The following SLC7A5 variants were observed in gnomAD, a reference collection of about 807,000 sequenced individuals.
SLC7A5 encodes the protein solute carrier family 7 member 5, also known as large neutral amino acids transporter small subunit 1.
In SLC7A5, 23 loss-of-function variants were observed where a neutral mutation model predicts 50.2. That is an observed-to-expected ratio of 0.46 (90% confidence interval 0.33 to 0.65). The LOEUF is 0.65. Ranked by LOEUF, SLC7A5 falls within the 30% of genes least tolerant of loss-of-function variation. The pLI, the probability that SLC7A5 is intolerant of heterozygous loss-of-function variation, is 0.02. For synonymous variants in SLC7A5, 393 were observed against 330.6 expected (o/e 1.19, Z -2.05); for missense variants, 578 against 684.4 (o/e 0.84, Z 1.73).
At chr16:87,857,000 C>T (rs1172190995) in intron 1 of SLC7A5, among the ~76,000 whole-genome samples, 1 of 127,790 alleles carries the variant, frequency 7.8e-6, no homozygotes. Flanking sequence ...ATGGACACGT[C>T]ACCGCCCCGG....
intron 2 of SLC7A5, among the ~76,000 whole-genome samples, chr16:87,843,146 G>C (rs1388907015): frequency 1.3e-5 from 2 of 152,088 alleles, no homozygotes; most frequent in African/African-American, 2.4e-5. Flanking sequence ...GACTCAGCCT[G>C]AGCTGATGGA....
At chr16:87,858,364 T>TG (rs1387234381) in intron 1 of SLC7A5, among the ~76,000 whole-genome samples, 2 of 152,098 alleles carry the variant, frequency 1.3e-5, no homozygotes, top group African/African-American at 4.8e-5. Context: ...TGGGCACCAG[T>TG]GATAAGGAGT....
intron 3 of SLC7A5, 76 bp downstream of exon 3, chr16:87,840,973 TG>T: frequency 1.0e-6 from 1 of 998,432 alleles, no homozygotes; most frequent in Non-Finnish European, 1.6e-6. Context: ...CCTTGATGGC[TG>T]GGAGATTTGG....
rs2055259081 is a variant in SLC7A5 at position 87,853,106 on chromosome 16, TTC to T, written c.539-1259_539-1258del. 6.9e-6 allele frequency among the ~76,000 whole-genome samples: 1 copy of T among 144,518 alleles called. No individual in the cohort carries two copies. The highest frequency in any genetic ancestry group is 2.9e-5 in the African/African-American group (1 of 34,438). 94.8% of individuals were successfully genotyped at this position (144,518 alleles called of 152,430 possible). A position where few individuals can be genotyped will look rare whatever the true frequency, so the allele number is the denominator to read the frequency against. ...GCATCAGAAAGGCCGTGGGCTCCTCTTCTCTCTTTCCCCTTGGGAGTAACGCT... is the reference window on the plus strand; with the variant it reads ...GCATCAGAAAGGCCGTGGGCTCCTCTTCTCTTTCCCCTTGGGAGTAACGCT... On this transcript the variant is annotated intron_variant, in intron 1 of 9. Transcript: ENST00000261622. This position sits in a 1 kb window ranked among gnomAD's most constrained non-coding sequence, Gnocchi z 4.4.
Position 87,837,881 on chromosome 16 carries a change from T to C in SLC7A5, c.1104A>G (p.Pro368=), listed in dbSNP as rs1164517938. ...GGGACGGCACGGGGGTGAGGAGCTG[T>C]GGGTGGATCATGGAGAGGATGGAGG... ...HLPSILSMIH[P]QLLTPVPSLV... is the part of the protein sequence containing the mutation. The change falls in exon 7 of 10, where the codon CCA becomes CCG. Residue 368 remains proline, a synonymous_variant. Transcript: ENST00000261622. 1.2e-6 allele frequency: 2 copies of C among 1,608,296 alleles called. No individual in the cohort carries two copies. Among genetic ancestry groups the C allele is most frequent in the Admixed American group, 3.4e-5 (2 of 59,230 alleles).
intron 1 of SLC7A5, among the ~76,000 whole-genome samples, chr16:87,866,321 A>G (rs1226087133): frequency 6.6e-6 from 1 of 152,140 alleles, no homozygotes; most frequent in Non-Finnish European, 1.5e-5. Context: ...TGTCAGCCGC[A>G]GAAACTCTGG....
chr16:87,847,831 C>G (rs2143768727), intron 2 of SLC7A5, among the ~76,000 whole-genome samples: 1 of 152,306 alleles, frequency 6.6e-6, no homozygotes, highest in East Asian at 1.9e-4. Context: ...CAAAGGAAAA[C>G]CATCATTTCA....
chr16:87,832,927 TG>T lies in SLC7A5; in HGVS notation c.*42del. Reference sequence around the variant, plus strand: ...GTTCGAGGAGGTGATCTACTTTAACTGGCCTCTGCGCATGCTCCTCCGGCAG... The same window carrying T: ...GTTCGAGGAGGTGATCTACTTTAACTGCCTCTGCGCATGCTCCTCCGGCAG... On this transcript the variant is annotated 3_prime_UTR_variant, in exon 10 of 10. Transcript: ENST00000261622. This position sits in a 1 kb window ranked among gnomAD's most constrained non-coding sequence, Gnocchi z 4.6. 1.3e-6 allele frequency: 2 copies of T among 1,542,076 alleles called. No homozygotes were observed. Among genetic ancestry groups the T allele is most frequent in the South Asian group, 1.1e-5 (1 of 89,610 alleles).
rs968030507 is a variant in SLC7A5, at chr16:87,840,344, C to CA, written c.815+84dup. 4 of 1,260,842 alleles carry CA rather than the reference C, an allele frequency of 3.2e-6. No individual in the cohort carries two copies. The Admixed American group carries it at 5.1e-5, about 16-fold the overall frequency. 78.1% of individuals were successfully genotyped at this position (1,260,842 alleles called of 1,614,324 possible). A position where few individuals can be genotyped will look rare whatever the true frequency, so the allele number is the denominator to read the frequency against. On this transcript the variant is annotated intron_variant, in intron 4 of 9. Transcript: ENST00000261622. ...CGACTGTGAACTGGCCTGAGCCGAC[C>CA]AACAGGCTTCGAGTGGAATGTGGCT...
intron 1 of SLC7A5, among the ~76,000 whole-genome samples, chr16:87,865,053 A>G (rs572984000): frequency 6.6e-5 from 10 of 152,280 alleles, no homozygotes; most frequent in African/African-American, 2.4e-4. Context: ...CACCAGAATG[A>G]TTGAACCCCA....
chr16:87,849,724 G>C (rs2055196511), intron 2 of SLC7A5, among the ~76,000 whole-genome samples: 1 of 152,104 alleles, frequency 6.6e-6, no homozygotes, highest in African/African-American at 2.4e-5. Flanking sequence ...CTTGAGTAAG[G>C]TGCCGGAACC....
At chr16:87,849,767 C>G (rs1459655937) in intron 2 of SLC7A5, among the ~76,000 whole-genome samples, 1 of 152,070 alleles carries the variant, frequency 6.6e-6, no homozygotes, top group Non-Finnish European at 1.5e-5. Context: ...ATTGGGACTT[C>G]CTGCCAGCCC....
intron 2 of SLC7A5, among the ~76,000 whole-genome samples, chr16:87,844,641 C>G (rs2055127008): frequency 6.6e-6 from 1 of 152,266 alleles, no homozygotes; most frequent in African/African-American, 2.4e-5. Context: ...AGAGAAGAGC[C>G]TGCCCAGCGT....
At chr16:87,847,415 G>T (rs567578395) in intron 2 of SLC7A5, among the ~76,000 whole-genome samples, 5 of 152,172 alleles carry the variant, frequency 3.3e-5, no homozygotes, top group African/African-American at 4.8e-5. Context: ...TGAGGGAGGC[G>T]GCACCTCTTC....
chr16:87,847,975 C>A (rs1347788391), intron 2 of SLC7A5, among the ~76,000 whole-genome samples: 3 of 151,994 alleles, frequency 2.0e-5, no homozygotes, highest in Non-Finnish European at 4.4e-5. Flanking sequence ...GGGTCTCGGC[C>A]ACCGGGACCC....
chr16:87,844,599 A>T (rs1339599431), intron 2 of SLC7A5, among the ~76,000 whole-genome samples: 2 of 152,172 alleles, frequency 1.3e-5, no homozygotes, highest in African/African-American at 4.8e-5. Flanking sequence ...GACTCAGAGG[A>T]CGATGTCTCC....
chr16:87,854,630 CAGCCACCCCCAGATAAGT>C (rs1479597908), intron 1 of SLC7A5, among the ~76,000 whole-genome samples: 1 of 152,256 alleles, frequency 6.6e-6, no homozygotes, highest in African/African-American at 2.4e-5. Context: ...CACACAGGGC[CAGCCACCCCCAGATAAGT>C]GTGGCCGCGC....
At chr16:87,867,032 G>T (rs1000968002) in intron 1 of SLC7A5, among the ~76,000 whole-genome samples, 5 of 151,524 alleles carry the variant, frequency 3.3e-5, no homozygotes, top group African/African-American at 1.2e-4. Context: ...CCCGGAGCAT[G>T]CCTCAGACTC....
At position 87,841,778 on chromosome 16, in the gene SLC7A5, C is replaced by T. The variant is rs2055086111; in HGVS notation, c.665-623G>A. On this transcript the variant is annotated intron_variant, in intron 2 of 9. Coordinates refer to ENST00000261622, the MANE Select transcript of SLC7A5 (RefSeq NM_003486.7). The surrounding 1 kb of genome is among the most constrained non-coding windows in gnomAD (Gnocchi z 4.8). ...CCCGTGCTGTGTGCAGAGCTCTCTCCTTTGCCCTCTGAGGACACGCGTCAC... is the reference window on the plus strand; with the variant it reads ...CCCGTGCTGTGTGCAGAGCTCTCTCTTTTGCCCTCTGAGGACACGCGTCAC... Among the ~76,000 whole-genome samples, 1 of 152,256 alleles carries T rather than the reference C, an allele frequency of 6.6e-6. No individual in the cohort carries two copies. Among genetic ancestry groups the T allele is most frequent in the Admixed American group, 6.5e-5 (1 of 15,292 alleles).
Sources: gnomAD v4.1 joint callset for allele counts (sites outside exome capture counted in the v4.1 genomes callset) on GRCh38, gnomAD v4.1.1 for gene constraint, Gnocchi (gnomAD v3.1) non-coding constraint, MANE v1.5 for transcripts, NCBI Gene and HGNC (gene_info 2026-07-23, HGNC 2026-07-21) for gene names.